The following HACD3 variants were observed in gnomAD, a reference collection of about 807,000 sequenced individuals.
The protein encoded by HACD3 is 3-hydroxyacyl-CoA dehydratase 3.
In HACD3, 30 loss-of-function variants were observed where a neutral mutation model predicts 55.2. The ratio of observed to expected loss-of-function variants is 0.54; its 90% CI spans 0.41 to 0.74. The LOEUF is 0.74. HACD3 is among the 30% of genes least tolerant of loss of function. The pLI is 0.00. For missense variants in HACD3, 363 were observed against 440.1 expected, an observed-to-expected ratio of 0.82 and a Z score of 1.57; for synonymous variants, 141 against 151.7, an observed-to-expected ratio of 0.93 and a Z score of 0.52.
chr15:65,540,412 A>G (rs1282604752), intron 1 of HACD3, among the ~76,000 whole-genome samples: 1 of 152,230 alleles, frequency 6.6e-6, no homozygotes, highest in African/African-American at 2.4e-5. Flanking sequence ...GTGATGAAAT[A>G]GAGAATAATT....
At chr15:65,548,417 G>T (rs925471341) in intron 1 of HACD3, among the ~76,000 whole-genome samples, 2 of 151,486 alleles carry the variant, frequency 1.3e-5, no homozygotes, top group African/African-American at 4.9e-5. Flanking sequence ...AGAGGCTAAG[G>T]TGGGAGGATC....
At chr15:65,554,448 C>T (rs1417946386) in intron 2 of HACD3, among the ~76,000 whole-genome samples, 1 of 152,126 alleles carries the variant, frequency 6.6e-6, no homozygotes, top group Admixed American at 6.6e-5. Flanking sequence ...GATTTGTGGA[C>T]TACGATGCTT....
chr15:65,551,945 A>G (rs1596210457), intron 2 of HACD3: 3 of 159,732 alleles, frequency 1.9e-5, no homozygotes, highest in East Asian at 3.2e-4. Flanking sequence ...ACAGTGAAGG[A>G]AAAAAAAAAA....
At chr15:65,543,583 T>C (rs559720280) in intron 1 of HACD3, among the ~76,000 whole-genome samples, 50 of 152,296 alleles carry the variant, frequency 3.3e-4, no homozygotes, top group African/African-American at 1.2e-3. Context: ...CACTATGACA[T>C]CGTTTTTTAA....
rs184280722 is a variant in HACD3 at position 65,576,577 on chromosome 15, C to G, written c.*198C>G. 3.2e-6 allele frequency: 2 copies of G among 628,318 alleles called. No homozygotes were observed. The highest frequency in any genetic ancestry group is 3.1e-5 in the Admixed American group (1 of 32,670). 38.9% of individuals were successfully genotyped at this position (628,318 alleles called of 1,614,324 possible). On this transcript the variant is annotated 3_prime_UTR_variant, in exon 11 of 11. Coordinates refer to ENST00000261875, the MANE Select transcript of HACD3 (RefSeq NM_016395.4). ...CTTGCATGACATGGATTCCTGATAT[C>G]TGATGAGAGGTTCATTCTTGTGTAT...
chr15:65,572,144 A>G, intron 9 of HACD3, 91 bp from the exon 10 acceptor site: 2 of 1,524,106 alleles, frequency 1.3e-6, no homozygotes, highest in Non-Finnish European at 1.8e-6. Context: ...CACACCCAGA[A>G]CTGAAACTTT....
intron 1 of HACD3, among the ~76,000 whole-genome samples, chr15:65,537,636 A>G (rs1744578666): frequency 6.6e-6 from 1 of 150,822 alleles, no homozygotes; most frequent in South Asian, 2.1e-4. Flanking sequence ...ACTAAAAAAT[A>G]AAAAAAATTA....
chr15:65,564,104 T>A (rs577528585), intron 6 of HACD3, 111 bp from the exon 7 acceptor site: 20 of 1,337,250 alleles, frequency 1.5e-5, no homozygotes, highest in Non-Finnish European at 2.0e-5. Flanking sequence ...GACTGGATGT[T>A]TGTTATTCCT....
At chr15:65,548,141 G>A (rs141241314) in intron 1 of HACD3, among the ~76,000 whole-genome samples, 1 of 152,324 alleles carries the variant, frequency 6.6e-6, no homozygotes, top group African/African-American at 2.4e-5. Flanking sequence ...ATTCTTACTA[G>A]TTGCCAGGGT....
intron 5 of HACD3, among the ~76,000 whole-genome samples, chr15:65,562,429 T>G (rs762645966): frequency 6.6e-6 from 1 of 152,370 alleles, no homozygotes; most frequent in African/African-American, 2.4e-5. Context: ...GTGGGAGTTA[T>G]AAGCCAGAAA....
chr15:65,565,703 C>T (rs1178611195), intron 7 of HACD3: 1 of 152,252 alleles, frequency 6.6e-6, no homozygotes, highest in Admixed American at 6.5e-5. Context: ...CCATGAAGGC[C>T]TCTGACATGG....
At position 65,569,165 on chromosome 15, in the gene HACD3, A is replaced by G. The variant is rs564218550; in HGVS notation, c.661-926A>G. Among the ~76,000 whole-genome samples the G allele has an allele frequency of 1.5e-4, 22 of 151,108 alleles. No individual in the cohort carries two copies. The East Asian group carries it at 4.1e-3, about 28-fold the overall frequency. On this transcript the variant is annotated intron_variant, in intron 7 of 10. Coordinates refer to ENST00000261875, the MANE Select transcript of HACD3 (RefSeq NM_016395.4). ...CGGGAGGCTGAGGCAGGAGAATGGC[A>G]TGAACCCGGGAGGCGGAGCTTGCAG... is the stretch of plus-strand genomic sequence containing the variant.
At chr15:65,575,816 G>C (rs574572511) in intron 10 of HACD3, among the ~76,000 whole-genome samples, 1 of 152,344 alleles carries the variant, frequency 6.6e-6, no homozygotes, top group Non-Finnish European at 1.5e-5. Context: ...TGGGAGGCTG[G>C]GTGTGGTGGC....
chr15:65,531,065 C>G (rs1356414092), intron 1 of HACD3, among the ~76,000 whole-genome samples: 1 of 152,138 alleles, frequency 6.6e-6, no homozygotes, highest in East Asian at 1.9e-4. Flanking sequence ...TGGCTGGGGC[C>G]CTTCGAGATG....
intron 1 of HACD3, among the ~76,000 whole-genome samples, chr15:65,537,949 AAAAAAAAAAATATATAT>A (rs1294876315): frequency 1.0e-3 from 58 of 56,982 alleles, no homozygotes; most frequent in African/African-American, 4.0e-3. Context: ...AAAAAAAAAA[AAAAAAAAAAATATATAT>A]ATATATATAT....
At chr15:65,545,200 C>G (rs561648605) in intron 1 of HACD3, among the ~76,000 whole-genome samples, 153 of 152,248 alleles carry the variant, frequency 1.0e-3, no homozygotes, top group African/African-American at 3.3e-3. Flanking sequence ...GTGGAAAGTT[C>G]TGGCAGTCAC....
At chr15:65,554,840 C>A in intron 2 of HACD3, 47 bp from the exon 3 acceptor site, 3 of 1,409,702 alleles carry the variant, frequency 2.1e-6, no homozygotes, top group Non-Finnish European at 3.0e-6. Flanking sequence ...TTTTGGATGG[C>A]CTTGCTCTGC....
intron 7 of HACD3, among the ~76,000 whole-genome samples, chr15:65,568,484 G>A (rs1407048534): frequency 6.6e-6 from 1 of 151,042 alleles, no homozygotes; most frequent in East Asian, 2.0e-4. Context: ...TCAGCCTCCC[G>A]AGTAGCTGGG....
At chr15:65,532,479 G>A (rs2071911280) in intron 1 of HACD3, among the ~76,000 whole-genome samples, 1 of 151,992 alleles carries the variant, frequency 6.6e-6, no homozygotes, top group South Asian at 2.1e-4. Flanking sequence ...TACAAAATTA[G>A]CCGGGCATGG....
Sources: gnomAD v4.1 joint callset for allele counts (sites outside exome capture counted in the v4.1 genomes callset) on GRCh38, gnomAD v4.1.1 for gene constraint, MANE v1.5 for transcripts, NCBI Gene and HGNC (gene_info 2026-07-23, HGNC 2026-07-21) for gene names.